The following DCLK1 variants were observed in gnomAD, a reference collection of about 807,000 sequenced individuals.
The protein encoded by DCLK1 is serine/threonine-protein kinase DCLK1.
Under a neutral mutation model 86.2 loss-of-function variants are expected in DCLK1, and 16 were observed. The ratio of observed to expected loss-of-function variants is 0.19; its 90% confidence interval spans 0.13 to 0.28. The LOEUF is 0.28. DCLK1 is among the 10% of genes least tolerant of loss of function. DCLK1 has a pLI of 1.00. For synonymous variants in DCLK1, 369 were observed against 370.5 expected, an observed-to-expected ratio of 1.00 and a Z score of 0.05; for missense variants, 590 against 940.2, an observed-to-expected ratio of 0.63 and a Z score of 4.87.
chr13:35,967,560 T>C (rs1022382265), intron 3 of DCLK1, among the ~76,000 whole-genome samples: 7 of 152,196 alleles, frequency 4.6e-5, no homozygotes, highest in African/African-American at 1.7e-4. Flanking sequence ...ATGTGCTGTG[T>C]CCACTAAGGG....
At chr13:35,934,726 T>C (rs745717164) in intron 4 of DCLK1, among the ~76,000 whole-genome samples, 5 of 152,182 alleles carry the variant, frequency 3.3e-5, no homozygotes, top group African/African-American at 4.8e-5. Context: ...TGTCTGTGTG[T>C]GTGTCTGTGT....
intron 15 of DCLK1, among the ~76,000 whole-genome samples, chr13:35,798,213 G>A (rs984664358): frequency 6.6e-6 from 1 of 152,176 alleles, no homozygotes; most frequent in South Asian, 2.1e-4. Context: ...TACTGGGGAA[G>A]AGCTGTGGGG....
intron 3 of DCLK1, among the ~76,000 whole-genome samples, chr13:36,071,474 G>A (rs903820857): frequency 1.4e-4 from 21 of 152,084 alleles, no homozygotes; most frequent in Non-Finnish European, 2.8e-4. Context: ...GAGATGAAAT[G>A]GGGTAGAAAC....
At chr13:36,108,770 T>C (rs1284618032) in intron 3 of DCLK1, among the ~76,000 whole-genome samples, 1 of 152,166 alleles carries the variant, frequency 6.6e-6, no homozygotes, top group Non-Finnish European at 1.5e-5. Flanking sequence ...CCATATTGTT[T>C]ATGGAGTTGA....
chr13:36,002,180 T>C (rs1404006673), intron 3 of DCLK1, among the ~76,000 whole-genome samples: 1 of 152,182 alleles, frequency 6.6e-6, no homozygotes, highest in Non-Finnish European at 1.5e-5. Context: ...TTTTTGGTCT[T>C]TTCAACATTT....
intron 3 of DCLK1, among the ~76,000 whole-genome samples, chr13:36,022,346 C>T (rs536772102): frequency 2.0e-5 from 3 of 152,040 alleles, no homozygotes; most frequent in African/African-American, 4.8e-5. Context: ...TAACTTTCCA[C>T]TTAAGGAAAT....
intron 15 of DCLK1, 33 bp downstream of exon 15, chr13:35,805,666 G>A (rs2087012377): frequency 6.3e-7 from 1 of 1,589,722 alleles, no homozygotes. Context: ...GGAATGTTAG[G>A]AGAGAACAAA....
intron 3 of DCLK1, among the ~76,000 whole-genome samples, chr13:36,091,358 G>C (rs1884821980): frequency 6.6e-6 from 1 of 152,068 alleles, no homozygotes. Flanking sequence ...AGAACTTAAA[G>C]TAAAATAAAA....
chr13:35,898,659 T>G (rs1301135215), intron 4 of DCLK1, among the ~76,000 whole-genome samples: 1 of 152,210 alleles, frequency 6.6e-6, no homozygotes, highest in Non-Finnish European at 1.5e-5. Flanking sequence ...AGCTCTTGGT[T>G]GGTGTGACCA....
intron 8 of DCLK1, among the ~76,000 whole-genome samples, chr13:35,832,099 C>G (rs1313334739): frequency 3.3e-5 from 5 of 152,108 alleles, no homozygotes; most frequent in African/African-American, 1.2e-4. Flanking sequence ...TTGAGACCAG[C>G]CTGGGCCACA....
intron 8 of DCLK1, among the ~76,000 whole-genome samples, chr13:35,835,411 G>T (rs1162855775): frequency 6.6e-6 from 1 of 152,214 alleles, no homozygotes; most frequent in Non-Finnish European, 1.5e-5. Flanking sequence ...ATACCGAGTG[G>T]AGGGCTTGAG....
At chr13:36,072,721 T>A (rs1256708525) in intron 3 of DCLK1, among the ~76,000 whole-genome samples, 1 of 152,058 alleles carries the variant, frequency 6.6e-6, no homozygotes, top group Non-Finnish European at 1.5e-5. Context: ...TGCCAATGAG[T>A]CTCAAAAGAA....
intron 3 of DCLK1, among the ~76,000 whole-genome samples, chr13:36,038,489 A>G (rs1459676183): frequency 6.6e-6 from 1 of 152,204 alleles, no homozygotes; most frequent in Non-Finnish European, 1.5e-5. Flanking sequence ...TTAAGTCAAG[A>G]TCCCAAAGGA....
At chr13:35,846,922 G>A in intron 6 of DCLK1, 3 of 985,186 alleles carry the variant, frequency 3.0e-6, no homozygotes, top group Non-Finnish European at 3.6e-6. Flanking sequence ...CGCCTTACAG[G>A]TTATCTGGCT....
At chr13:36,118,517 G>T (rs1202360446) in intron 2 of DCLK1, among the ~76,000 whole-genome samples, 1 of 152,122 alleles carries the variant, frequency 6.6e-6, no homozygotes, top group East Asian at 1.9e-4. Flanking sequence ...GGATTAGGCA[G>T]TAAAGAAGGA....
At chr13:35,992,939 C>T (rs918764048) in intron 3 of DCLK1, among the ~76,000 whole-genome samples, 5 of 152,158 alleles carry the variant, frequency 3.3e-5, no homozygotes, top group African/African-American at 4.8e-5. Flanking sequence ...ATCGATTATA[C>T]ACATGAAGCT....
intron 3 of DCLK1, among the ~76,000 whole-genome samples, chr13:36,036,851 A>G (rs1882521964): frequency 6.6e-6 from 1 of 152,182 alleles, no homozygotes; most frequent in African/African-American, 2.4e-5. Context: ...AAATAGAACT[A>G]TGATATGATC....
At chr13:35,946,203 C>T (rs1403084576) in intron 4 of DCLK1, among the ~76,000 whole-genome samples, 2 of 152,158 alleles carry the variant, frequency 1.3e-5, no homozygotes, top group East Asian at 1.9e-4. Flanking sequence ...AGGGTTTCGC[C>T]ATGTTGCCCA....
At chr13:36,027,988 C>T (rs918437184) in intron 3 of DCLK1, among the ~76,000 whole-genome samples, 2 of 152,148 alleles carry the variant, frequency 1.3e-5, no homozygotes, top group Non-Finnish European at 2.9e-5. Flanking sequence ...CCTTAGCCTC[C>T]CAAAGTGCTG....
Sources: gnomAD v4.1 joint callset for allele counts (sites outside exome capture counted in the v4.1 genomes callset) on GRCh38, gnomAD v4.1.1 for gene constraint, MANE v1.5 for transcripts, NCBI Gene and HGNC (gene_info 2026-07-23, HGNC 2026-07-21) for gene names.